TIAM2: variants seen among roughly 807,000 people sequenced by gnomAD.
The protein encoded by TIAM2 is TIAM Rac1 associated GEF 2, also known as rho guanine nucleotide exchange factor TIAM2.
A neutral mutation model predicts 152.9 loss-of-function variants in TIAM2; 80 were observed. The ratio of observed to expected loss-of-function variants is 0.52; its 90% CI spans 0.44 to 0.63. The LOEUF (loss-of-function observed/expected upper bound fraction) is 0.63. Among genes scored for constraint, TIAM2 ranks in the 30% least tolerant of loss-of-function variants. TIAM2 has a pLI of 0.00. For missense variants in TIAM2, 1,965 were observed against 2,120.1 expected, an observed-to-expected ratio of 0.93 and a Z score of 1.44; for synonymous variants, 804 against 838.0, an observed-to-expected ratio of 0.96 and a Z score of 0.70.
rs1780920808 is a variant in TIAM2, at chr6:155,182,291, C to A, written c.2773C>A (p.Leu925Ile). The change falls in exon 13 of 27, where the codon CTT (leucine) becomes ATT (isoleucine). Residue 925 changes from leucine (L) to isoleucine (I), a missense_variant. By Grantham distance (5) the Leu-to-Ile change is conservative. Transcript: ENST00000682666. ...HLSRIFISDV[L>I]PDGLAYGEGL... Reference sequence around the variant, plus strand: ...CAGCCGGATATTTATAAGCGACGTTCTTCCCGATGGCCTGGCGTATGGGGA... The same window carrying A: ...CAGCCGGATATTTATAAGCGACGTTATTCCCGATGGCCTGGCGTATGGGGA... 1.2e-6 allele frequency: 2 copies of A among 1,614,188 alleles called. No individual in the cohort carries two copies. Among genetic ancestry groups the A allele is most frequent in the Non-Finnish European group, 1.7e-6 (2 of 1,179,998 alleles).
At chr6:155,021,703 C>T (rs965794028) in intron 1 of TIAM2, among the ~76,000 whole-genome samples, 4 of 152,200 alleles carry the variant, frequency 2.6e-5, no homozygotes, top group Non-Finnish European at 5.9e-5. Context: ...ACCATCCCCT[C>T]AGTTGCCTCA....
intron 15 of TIAM2, among the ~76,000 whole-genome samples, chr6:155,226,301 G>A (rs569459315): frequency 6.6e-6 from 1 of 152,326 alleles, no homozygotes; most frequent in African/African-American, 2.4e-5. Context: ...TGGGATGCAA[G>A]GCTGCTCAGC....
In TIAM2 at chr6:155,130,218, G is replaced by A. The variant is rs931312; in HGVS notation, c.995G>A (p.Arg332His). 321,780 of 1,614,070 alleles carry A rather than the reference G, an allele frequency of 0.2. 35,803 individuals carry two copies. The highest frequency in any genetic ancestry group is 0.4 in the South Asian group (36,276 of 91,072). Residue 332 changes from arginine (R) to histidine (H), a missense_variant, in exon 4 of 27, where the codon CGT (arginine) becomes CAT (histidine). Arg to His is a conservative substitution (Grantham distance 29). Around this residue, in one of 3 missense-constraint regions of TIAM2, gnomAD observed 1,025 missense variants for 1,119.4 expected, o/e 0.92. Transcript: ENST00000682666. The stretch of plus-strand genomic sequence containing the variant: ...GGCACGCATGCCAGCCTGAGCAACC[G>A]TGTCTCTTTTGCTTCCGACATTGAT... ...YMGTHASLSNRVSFASDIDVP... is the reference protein window; with the variant it reads ...YMGTHASLSNHVSFASDIDVP...
intron 2 of TIAM2, among the ~76,000 whole-genome samples, chr6:155,111,309 A>G (rs1237575737): frequency 1.7e-5 from 1 of 59,824 alleles, no homozygotes; most frequent in South Asian, 8.2e-4. Flanking sequence ...ACACACACAC[A>G]CACACACACA....
chr6:155,180,504 A>G (rs12665049), intron 12 of TIAM2, among the ~76,000 whole-genome samples: 18,455 of 152,212 alleles, frequency 0.12, 1,906 homozygotes, highest in African/African-American at 0.28. Context: ...AAATGATTCA[A>G]ACTAATAATA....
chr6:155,129,648 G>A lies in TIAM2; in HGVS notation c.425G>A (p.Gly142Glu). 1 of 1,614,088 alleles carries A rather than the reference G, an allele frequency of 6.2e-7. No individual in the cohort carries two copies. Among genetic ancestry groups the A allele is most frequent in the Non-Finnish European group, 8.5e-7 (1 of 1,180,038 alleles). ...AACGGACACCTTCTCAACTGCTACG[G>A]GAGGAATGAGAGCATTGCCTCCACC... ...DCNGHLLNCY[G>E]RNESIASTPP... Residue 142 changes from glycine to glutamate, a missense_variant, in exon 4 of 27, where the codon GGG becomes GAG. Physicochemically the swap from Gly to Glu is moderately conservative, Grantham distance 98. This residue lies in a region of TIAM2 where 1,025 missense variants were observed against 1,119.4 expected (regional missense o/e 0.92). Coordinates refer to ENST00000682666, the MANE Select transcript of TIAM2 (RefSeq NM_012454.4). This position sits in a 1 kb window ranked among gnomAD's most constrained non-coding sequence, Gnocchi z 4.8.
chr6:155,136,676 G>A (rs1005199548), intron 4 of TIAM2, among the ~76,000 whole-genome samples: 1 of 152,206 alleles, frequency 6.6e-6, no homozygotes, highest in African/African-American at 2.4e-5. Context: ...ATAGGGAGAG[G>A]AAGAGAAGTT....
intron 9 of TIAM2, among the ~76,000 whole-genome samples, chr6:155,166,261 A>T (rs1239684040): frequency 6.6e-6 from 1 of 151,506 alleles, no homozygotes; most frequent in Non-Finnish European, 1.5e-5. Flanking sequence ...GAAAATTGCT[A>T]GTGCTTATTT....
At chr6:155,023,320 A>G (rs1362544788) in intron 1 of TIAM2, among the ~76,000 whole-genome samples, 1 of 152,154 alleles carries the variant, frequency 6.6e-6, no homozygotes, top group Non-Finnish European at 1.5e-5. Context: ...AAACTCTGCC[A>G]CGAGGGCGGT....
intron 14 of TIAM2, among the ~76,000 whole-genome samples, chr6:155,202,193 T>TC (rs1781486481): frequency 6.6e-6 from 1 of 152,330 alleles, no homozygotes; most frequent in South Asian, 2.1e-4. Context: ...ACTTTTTTTT[T>TC]CCCTCTCAGT....
rs113208118 is a variant in TIAM2 at position 155,193,674 on chromosome 6, A to G, written c.3064+10174A>G. On this transcript the variant is annotated intron_variant, in intron 14 of 26. Coordinates refer to ENST00000682666, the MANE Select transcript of TIAM2 (RefSeq NM_012454.4). Reference sequence around the variant, plus strand: ...CTCAATGCTACGATTGTGCTTGGGTATGCAGCTGACGAGTTGTATGTGTGC... The same window carrying G: ...CTCAATGCTACGATTGTGCTTGGGTGTGCAGCTGACGAGTTGTATGTGTGC... 3.9e-5 allele frequency among the ~76,000 whole-genome samples: 6 copies of G among 152,316 alleles called. 1 individual carries two copies. Among genetic ancestry groups the G allele is most frequent in the African/African-American group, 1.4e-4 (6 of 41,572 alleles).
chr6:155,018,763 T>A (rs1583152903), intron 1 of TIAM2, among the ~76,000 whole-genome samples: 1 of 23,552 alleles, frequency 4.2e-5, no homozygotes, highest in Admixed American at 4.5e-4. Flanking sequence ...TCCCCTCCCC[T>A]TCCCTCCCCT....
rs80286312 is a variant in TIAM2 at position 155,043,963 on chromosome 6, G to A, written c.-208-46326G>A. On this transcript the variant is annotated intron_variant, in intron 1 of 26. Coordinates refer to ENST00000682666, the MANE Select transcript of TIAM2 (RefSeq NM_012454.4). ...TACACATGCCACTGGGTACCTGAGGGCCATGGCATAGTTTTGAAGGATTGC... is the reference window on the plus strand; with the variant it reads ...TACACATGCCACTGGGTACCTGAGGACCATGGCATAGTTTTGAAGGATTGC... Among the ~76,000 whole-genome samples, 871 of 152,226 alleles carry A rather than the reference G, an allele frequency of 5.7e-3. 8 individuals are homozygous for A. Among genetic ancestry groups the A allele is most frequent in the African/African-American group, 0.02 (822 of 41,526 alleles).
intron 5 of TIAM2, among the ~76,000 whole-genome samples, chr6:155,139,961 A>AAACC (rs1779653429): frequency 6.6e-6 from 1 of 152,150 alleles, no homozygotes; most frequent in African/African-American, 2.4e-5. Flanking sequence ...ACAAACAAAC[A>AAACC]AACCAAAACA....
chr6:155,114,042 T>A (rs1194873881), intron 2 of TIAM2, among the ~76,000 whole-genome samples: 480 of 44,692 alleles, frequency 0.011, 3 homozygotes, highest in African/African-American at 0.028. Context: ...ATATATTTTT[T>A]TTTTTTTCTT....
rs546559400 is a variant in TIAM2 at position 155,003,661 on chromosome 6, G to A, written c.-209+8169G>A. ...CAGAGGGGCCCACATCTCCCCTCTC[G>A]GCTCCCCCATGCACACTGCCTTATC... On this transcript the variant is annotated intron_variant, in intron 1 of 26. Transcript: ENST00000682666. Among the ~76,000 whole-genome samples, 3 of 152,186 alleles carry A rather than the reference G, an allele frequency of 2.0e-5. No homozygotes were observed. In the East Asian group the frequency reaches 5.8e-4, roughly 29 times the overall value.
In TIAM2 at chr6:155,053,897, G is replaced by A. The variant is rs145275750; in HGVS notation, c.-208-36392G>A. On this transcript the variant is annotated intron_variant, in intron 1 of 26. Coordinates refer to ENST00000682666, the MANE Select transcript of TIAM2 (RefSeq NM_012454.4). ...TAGTCAGCATTAAAACACTGTTAGG[G>A]TCAGGTGTGGTGACTCTTGCCTGTA... 4.6e-5 allele frequency among the ~76,000 whole-genome samples: 7 copies of A among 152,316 alleles called. No homozygotes were observed. In the Middle Eastern group the frequency reaches 0.01, roughly 222 times the overall value.
chr6:155,112,399 A>T (rs532415168), intron 2 of TIAM2, among the ~76,000 whole-genome samples: 1 of 152,110 alleles, frequency 6.6e-6, no homozygotes, highest in South Asian at 2.1e-4. Context: ...TGCTGGGATT[A>T]CAGGTGTGAG....
intron 22 of TIAM2, 29 bp from the exon 23 acceptor site, chr6:155,251,916 A>T: frequency 3.8e-6 from 6 of 1,562,400 alleles, no homozygotes; most frequent in Non-Finnish European, 5.3e-6. Context: ...CATAAAATAA[A>T]GACTTTCTTT....
Sources: allele counts gnomAD v4.1 joint callset (sites outside exome capture counted in the v4.1 genomes callset), GRCh38; gene constraint gnomAD v4.1.1; regional missense constraint gnomAD v4.1.1; non-coding constraint Gnocchi (gnomAD v3.1); transcripts MANE v1.5; gene names NCBI Gene and HGNC (gene_info 2026-07-23, HGNC 2026-07-21).